Variants in ACACA observed in about 807,000 individuals in gnomAD.
ACACA encodes the protein acetyl-CoA carboxylase 1.
A neutral mutation model predicts 296.1 loss-of-function variants in ACACA; 103 were observed. The observed-to-expected ratio is 0.35, with a 90% confidence interval of 0.30 to 0.41. The LOEUF is 0.41. Ranked by LOEUF, ACACA falls within the 10% of genes least tolerant of loss-of-function variation. The probability of loss-of-function intolerance (pLI) is 1.00; values close to 1 mark genes in which losing one functional copy is unlikely to be tolerated. For missense variants in ACACA, 1,554 were observed against 2,989.7 expected, an observed-to-expected ratio of 0.52 and a Z score of 11.20; for synonymous variants, 953 against 1,038.6, an observed-to-expected ratio of 0.92 and a Z score of 1.58.
At chr17:37,215,892 G>C (rs905938387) in intron 29 of ACACA, among the ~76,000 whole-genome samples, 1 of 151,784 alleles carries the variant, frequency 6.6e-6, no homozygotes, top group Non-Finnish European at 1.5e-5. Flanking sequence ...TAAAGGGCTG[G>C]GCTCACAGAA....
chr17:37,181,121 A>T, intron 40 of ACACA, 80 bp downstream of exon 40: 2 of 1,531,834 alleles, frequency 1.3e-6, no homozygotes, highest in South Asian at 2.2e-5. Context: ...GCCCCCTTCT[A>T]GCCAAAACCG....
intron 45 of ACACA, among the ~76,000 whole-genome samples, chr17:37,132,147 C>G (rs1437724237): frequency 6.6e-6 from 1 of 152,224 alleles, no homozygotes; most frequent in Non-Finnish European, 1.5e-5. Context: ...GGCAGGAGCA[C>G]ATCATTACAA....
At chr17:37,362,147 A>C (rs2049428966) in intron 1 of ACACA, among the ~76,000 whole-genome samples, 1 of 152,240 alleles carries the variant, frequency 6.6e-6, no homozygotes, top group African/African-American at 2.4e-5. Flanking sequence ...TCAGAAAAAA[A>C]CTAACTGCTG....
chr17:37,128,024 C>CAAAAAA (rs1173864454), intron 47 of ACACA, among the ~76,000 whole-genome samples: 40 of 39,732 alleles, frequency 1.0e-3, no homozygotes, highest in Non-Finnish European at 1.2e-3. Context: ...AACTCCATCT[C>CAAAAAA]AAAAAAAAAA....
chr17:37,113,321 C>T lies in ACACA; in HGVS notation c.6275-56G>A. 1 of 1,571,816 alleles carries T rather than the reference C, an allele frequency of 6.4e-7. No homozygotes were observed. Among genetic ancestry groups the T allele is most frequent in the Admixed American group, 1.7e-5 (1 of 57,496 alleles). On this transcript the variant is annotated intron_variant, in intron 50 of 55. Transcript: ENST00000616317. This position sits in a 1 kb window ranked among gnomAD's most constrained non-coding sequence, Gnocchi z 4.0. Reference sequence around the variant, plus strand: ...GAAATTTCTCTTCCTCAAAGCAGTACTTTTAAACACTGTTCAGGACCTCTG... The same window carrying T: ...GAAATTTCTCTTCCTCAAAGCAGTATTTTTAAACACTGTTCAGGACCTCTG...
At chr17:37,406,203 A>G in intron 1 of ACACA, 59 bp downstream of exon 1, 2 of 1,589,478 alleles carry the variant, frequency 1.3e-6, no homozygotes, top group Non-Finnish European at 1.7e-6. Context: ...TAAGTACTCG[A>G]CAAATGGTAG....
intron 1 of ACACA, among the ~76,000 whole-genome samples, chr17:37,396,823 T>C (rs1568104567): frequency 6.6e-6 from 1 of 152,124 alleles, no homozygotes; most frequent in African/African-American, 2.4e-5. Context: ...AAGTATTCCA[T>C]TTTCTGAGTT....
intron 50 of ACACA, among the ~76,000 whole-genome samples, chr17:37,117,332 C>G (rs1405104624): frequency 1.3e-5 from 2 of 152,202 alleles, no homozygotes; most frequent in Non-Finnish European, 2.9e-5. Context: ...TAATCAGAGA[C>G]TTTAAAATAG....
chr17:37,328,621 T>C (rs1046816229), intron 3 of ACACA: 1 of 304,428 alleles, frequency 3.3e-6, no homozygotes, highest in Non-Finnish European at 6.0e-6. Context: ...GCCCCAGGGA[T>C]AACAGTAAGA....
At chr17:37,122,390 C>T (rs1465246308) in intron 49 of ACACA, 141 bp downstream of exon 49, 16 of 777,522 alleles carry the variant, frequency 2.1e-5, no homozygotes, top group Non-Finnish European at 2.8e-5. Flanking sequence ...AAAGTGAGCA[C>T]ATGATGTTCT....
chr17:37,192,334 C>T (rs2305099), intron 36 of ACACA, 29 bp from the exon 37 acceptor site: 325,228 of 1,598,894 alleles, frequency 0.2, 36,012 homozygotes, highest in Admixed American at 0.43. Flanking sequence ...GAAAAAACAG[C>T]TCACAAGAGG....
At chr17:37,367,163 A>C (rs770558276) in intron 1 of ACACA, 15 of 151,722 alleles carry the variant, frequency 9.9e-5, no homozygotes, top group Non-Finnish European at 2.2e-4. Context: ...TTATTTTCCA[A>C]CACAAGTCTT....
At chr17:37,281,664 G>C (rs981607412) in intron 5 of ACACA, among the ~76,000 whole-genome samples, 1 of 152,068 alleles carries the variant, frequency 6.6e-6, no homozygotes, top group Admixed American at 6.6e-5. Context: ...TCAAGATACC[G>C]AGACCATCCT....
intron 8 of ACACA, among the ~76,000 whole-genome samples, chr17:37,274,857 G>A (rs2146454994): frequency 6.6e-6 from 1 of 152,184 alleles, no homozygotes; most frequent in Admixed American, 6.5e-5. Flanking sequence ...ATCTGGAGAG[G>A]ATATTGCAAT....
chr17:37,211,089 G>A (rs1369387752), intron 29 of ACACA, among the ~76,000 whole-genome samples: 1 of 152,174 alleles, frequency 6.6e-6, no homozygotes, highest in African/African-American at 2.4e-5. Context: ...CCATGAAGGA[G>A]AGCAGGGGGG....
chr17:37,173,052 A>G (rs1372917254), intron 41 of ACACA, among the ~76,000 whole-genome samples: 2 of 152,256 alleles, frequency 1.3e-5, no homozygotes, highest in African/African-American at 4.8e-5. Flanking sequence ...AAAGCAAGGT[A>G]AAGTACATCC....
At position 37,085,479 on chromosome 17, in the gene ACACA, G is replaced by A; in HGVS notation, c.*1837C>T. On this transcript the variant is annotated 3_prime_UTR_variant, in exon 56 of 56. Transcript: ENST00000616317. Reference sequence around the variant, plus strand: ...GTAGATATGTGGGATTTGATTTATTGCAAAAAAGCATAGAAGAATAATCTG... The same window carrying A: ...GTAGATATGTGGGATTTGATTTATTACAAAAAAGCATAGAAGAATAATCTG... 1 of 397,440 alleles carries A rather than the reference G, an allele frequency of 2.5e-6. No homozygotes were observed. The highest frequency in any genetic ancestry group is 4.4e-5 in the Admixed American group (1 of 22,726). 24.6% of individuals were successfully genotyped at this position (397,440 alleles called of 1,614,324 possible).
chr17:37,397,157 G>T (rs1017013956), intron 1 of ACACA, among the ~76,000 whole-genome samples: 1 of 151,810 alleles, frequency 6.6e-6, no homozygotes, highest in Admixed American at 6.6e-5. Context: ...CTGTCCTTGC[G>T]ATATTTGCTC....
At chr17:37,151,985 C>T (rs576535574) in intron 43 of ACACA, among the ~76,000 whole-genome samples, 6 of 151,668 alleles carry the variant, frequency 4.0e-5, no homozygotes, top group Admixed American at 6.6e-5. Context: ...TTAGTAGAGA[C>T]GGGGTTTCAC....
Sources: gnomAD v4.1 joint callset for allele counts (sites outside exome capture counted in the v4.1 genomes callset) on GRCh38, gnomAD v4.1.1 for gene constraint, Gnocchi (gnomAD v3.1) non-coding constraint, MANE v1.5 for transcripts, NCBI Gene and HGNC (gene_info 2026-07-23, HGNC 2026-07-21) for gene names.